Variants in ZNF385D observed in about 807,000 individuals in gnomAD.
The protein encoded by ZNF385D is zinc finger protein 659.
In ZNF385D, 15 loss-of-function variants were observed where a neutral mutation model predicts 35.8. The observed-to-expected ratio is 0.42, with a 90% CI of 0.28 to 0.64. The LOEUF is 0.64. ZNF385D is among the 30% of genes least tolerant of loss of function. The pLI, the probability that ZNF385D is intolerant of heterozygous loss-of-function variation, is 0.23. For missense variants in ZNF385D, 474 were observed against 494.6 expected (o/e 0.96, Z 0.39); for synonymous variants, 212 against 186.8 (o/e 1.13, Z -1.10).
intron 3 of ZNF385D, among the ~76,000 whole-genome samples, chr3:22,136,997 T>C (rs6775836): frequency 0.22 from 33,815 of 152,080 alleles, 4,064 homozygotes; most frequent in East Asian, 0.42. Context: ...GATCATGTAG[T>C]GGTGGATATA....
chr3:22,077,507 A>G (rs1700522694), intron 3 of ZNF385D, among the ~76,000 whole-genome samples: 2 of 152,036 alleles, frequency 1.3e-5, no homozygotes, highest in South Asian at 4.1e-4. Flanking sequence ...TCAATAGATT[A>G]TTCCAGAAAT....
At chr3:21,700,146 T>C (rs2067625429) in intron 1 of ZNF385D, among the ~76,000 whole-genome samples, 1 of 152,098 alleles carries the variant, frequency 6.6e-6, no homozygotes, top group Non-Finnish European at 1.5e-5. Context: ...CCCTATGTTA[T>C]GTTTCTATCA....
At chr3:21,993,542 CTGTT>C (rs1695275608) in intron 3 of ZNF385D, among the ~76,000 whole-genome samples, 1 of 152,148 alleles carries the variant, frequency 6.6e-6, no homozygotes, top group Non-Finnish European at 1.5e-5. Context: ...CAATTTTTCA[CTGTT>C]TGATTAAACT....
At chr3:21,904,302 C>CAAAAAAA (rs548922115) in intron 3 of ZNF385D, among the ~76,000 whole-genome samples, 8 of 79,240 alleles carry the variant, frequency 1.0e-4, no homozygotes, top group East Asian at 3.9e-4. Context: ...GACTCCATCT[C>CAAAAAAA]AAAAAAAAAA....
At chr3:21,648,914 A>G (rs757277280) in intron 2 of ZNF385D, among the ~76,000 whole-genome samples, 1 of 152,230 alleles carries the variant, frequency 6.6e-6, no homozygotes, top group Non-Finnish European at 1.5e-5. Flanking sequence ...TAGCCATAGT[A>G]GTATTATCTC....
intron 2 of ZNF385D, among the ~76,000 whole-genome samples, chr3:22,290,851 C>CG (rs1262627284): frequency 6.6e-6 from 1 of 152,076 alleles, no homozygotes; most frequent in Non-Finnish European, 1.5e-5. Context: ...ATCCTACATG[C>CG]GGGGGCTTTT....
In ZNF385D at chr3:22,247,642, T is replaced by TATTTATTG. The variant is rs1699856822; in HGVS notation, c.107-78608_107-78607insCAATAAAT. 2.6e-5 allele frequency among the ~76,000 whole-genome samples: 4 copies of TATTTATTG among 152,044 alleles called. No individual in the cohort carries two copies. In the South Asian group the frequency reaches 8.3e-4, roughly 32 times the overall value. ...TTATTTATTTATTTATTTATTTATTTATTGAGATGGAGTCTCTCTCTCTGT... is the reference window on the plus strand; with the variant it reads ...TTATTTATTTATTTATTTATTTATTTATTTATTGATTGAGATGGAGTCTCTCTCTCTGT... On this transcript the variant is annotated intron_variant, in intron 2 of 5. Coordinates refer to the ZNF385D transcript ENST00000494108.
chr3:21,794,802 C>T (rs562219889), intron 3 of ZNF385D, among the ~76,000 whole-genome samples: 3 of 152,278 alleles, frequency 2.0e-5, no homozygotes, highest in Non-Finnish European at 4.4e-5. Context: ...CAATCTGAAA[C>T]CCTAGTTCTG....
At chr3:21,920,076 T>C (rs368782832) in intron 3 of ZNF385D, among the ~76,000 whole-genome samples, 9 of 152,212 alleles carry the variant, frequency 5.9e-5, no homozygotes, top group Non-Finnish European at 1.2e-4. Flanking sequence ...TATTTTGGTA[T>C]AGTGGTTTTT....
chr3:21,733,508 A>G (rs1299656175), intron 1 of ZNF385D, among the ~76,000 whole-genome samples: 2 of 152,152 alleles, frequency 1.3e-5, no homozygotes, highest in Non-Finnish European at 2.9e-5. Context: ...TGTGTCTGAC[A>G]TTGGTGTTGT....
At chr3:22,166,397 A>G (rs1191663146) in intron 3 of ZNF385D, among the ~76,000 whole-genome samples, 1 of 152,214 alleles carries the variant, frequency 6.6e-6, no homozygotes, top group Non-Finnish European at 1.5e-5. Context: ...GAAGAAAGGC[A>G]TAGTTTGTAC....
At chr3:22,306,342 CT>C (rs891241935) in intron 2 of ZNF385D, among the ~76,000 whole-genome samples, 21 of 148,754 alleles carry the variant, frequency 1.4e-4, no homozygotes, top group Non-Finnish European at 2.4e-4. Context: ...TAAAAAAAGT[CT>C]TTTTTTTTTC....
At chr3:22,144,137 C>T (rs536674244) in intron 3 of ZNF385D, among the ~76,000 whole-genome samples, 1 of 151,996 alleles carries the variant, frequency 6.6e-6, no homozygotes, top group South Asian at 2.1e-4. Flanking sequence ...TTGACAACTA[C>T]AAAAGAATTC....
chr3:21,838,344 A>ATGGTATAT (rs948791094), intron 3 of ZNF385D, among the ~76,000 whole-genome samples: 3 of 152,130 alleles, frequency 2.0e-5, no homozygotes, highest in African/African-American at 7.2e-5. Context: ...ATAGTTATGT[A>ATGGTATAT]TGGTATATAT....
At chr3:21,976,058 C>T (rs944997904) in intron 3 of ZNF385D, among the ~76,000 whole-genome samples, 1 of 152,046 alleles carries the variant, frequency 6.6e-6, no homozygotes, top group Non-Finnish European at 1.5e-5. Context: ...ACTGGGACAC[C>T]TTGAGGGATG....
At chr3:21,429,578 A>G (rs886950775) in intron 5 of ZNF385D, among the ~76,000 whole-genome samples, 1 of 152,076 alleles carries the variant, frequency 6.6e-6, no homozygotes, top group African/African-American at 2.4e-5. Context: ...CATAAGTGGT[A>G]TTATAGGGAC....
At chr3:21,879,435 G>C (rs1450579200) in intron 3 of ZNF385D, among the ~76,000 whole-genome samples, 1 of 151,988 alleles carries the variant, frequency 6.6e-6, no homozygotes, top group African/African-American at 2.4e-5. Flanking sequence ...ATTAAGAACA[G>C]TTATGTCATC....
chr3:21,871,849 T>C (rs1258244776), intron 3 of ZNF385D, among the ~76,000 whole-genome samples: 1 of 151,858 alleles, frequency 6.6e-6, no homozygotes, highest in African/African-American at 2.4e-5. Flanking sequence ...CTACTAAAAA[T>C]ACAAAAATTA....
chr3:21,660,810 G>T (rs1421361668), intron 2 of ZNF385D, among the ~76,000 whole-genome samples: 1 of 152,096 alleles, frequency 6.6e-6, no homozygotes, highest in South Asian at 2.1e-4. Flanking sequence ...TTATTTTATT[G>T]TACAGGACAC....
Sources: allele counts gnomAD v4.1 joint callset (sites outside exome capture counted in the v4.1 genomes callset), GRCh38; gene constraint gnomAD v4.1.1; transcripts MANE v1.5; gene names NCBI Gene and HGNC (gene_info 2026-07-23, HGNC 2026-07-21).